The following CACNA2D1 variants were observed in gnomAD, a reference collection of about 807,000 sequenced individuals.
CACNA2D1 encodes the protein calcium voltage-gated channel auxiliary subunit alpha2delta 1.
CACNA2D1 carries 53 observed loss-of-function variants against 171.5 expected under a neutral mutation model. The observed-to-expected ratio is 0.31, with a 90% confidence interval of 0.25 to 0.39. The LOEUF (loss-of-function observed/expected upper bound fraction) is 0.39, where lower values mean the gene tolerates loss of function less well. CACNA2D1 is among the 10% of genes least tolerant of loss of function. CACNA2D1 has a pLI of 1.00. For synonymous variants in CACNA2D1, 442 were observed against 443.1 expected (o/e 1.00, Z 0.03); for missense variants, 903 against 1,299.8 (o/e 0.69, Z 4.69).
intron 2 of CACNA2D1, among the ~76,000 whole-genome samples, chr7:82,337,739 T>C (rs1330178479): frequency 6.6e-6 from 1 of 152,202 alleles, no homozygotes; most frequent in Non-Finnish European, 1.5e-5. Flanking sequence ...GCCTTCGTTT[T>C]TTCTCTACTA....
intron 3 of CACNA2D1, among the ~76,000 whole-genome samples, chr7:82,327,440 C>A (rs1294788870): frequency 6.6e-6 from 1 of 152,330 alleles, no homozygotes. Context: ...CATATTTGAA[C>A]ACAACATTAT....
chr7:82,291,484 TTA>T (rs929763613), intron 3 of CACNA2D1, among the ~76,000 whole-genome samples: 3 of 134,096 alleles, frequency 2.2e-5, no homozygotes, highest in Admixed American at 8.4e-5. Context: ...TAAAAATATA[TTA>T]TATATATTTT....
intron 35 of CACNA2D1, 112 bp downstream of exon 35, chr7:81,962,328 T>G (rs2130258058): frequency 1.2e-6 from 1 of 823,918 alleles, no homozygotes; most frequent in South Asian, 1.5e-5. Context: ...ATGAGATGGG[T>G]GACCTGTTTT....
chr7:82,272,026 A>G (rs1242087873), intron 3 of CACNA2D1, among the ~76,000 whole-genome samples: 2 of 152,180 alleles, frequency 1.3e-5, no homozygotes, highest in African/African-American at 4.8e-5. Context: ...AAAAAAAGGA[A>G]AAATAAATTT....
chr7:82,013,818 G>A lies in CACNA2D1; in HGVS notation c.1223-308C>T, dbSNP rs913101949. 1.4e-4 allele frequency among the ~76,000 whole-genome samples: 21 copies of A among 151,824 alleles called. No homozygotes were observed. The South Asian group carries it at 4.4e-3, about 32-fold the overall frequency. ...ATTGGATAAATTATTAAAGATGCAT[G>A]ATGGATAATTATTATATTTATATAA... is the stretch of plus-strand genomic sequence containing the variant. On this transcript the variant is annotated intron_variant, in intron 13 of 38. Coordinates refer to ENST00000356860, the MANE Select transcript of CACNA2D1 (RefSeq NM_000722.4).
chr7:82,152,533 G>T (rs1461732050), intron 4 of CACNA2D1, among the ~76,000 whole-genome samples: 1 of 151,828 alleles, frequency 6.6e-6, no homozygotes, highest in Non-Finnish European at 1.5e-5. Flanking sequence ...GTGTTTTTCT[G>T]TACTAAATCT....
chr7:82,259,121 G>A (rs959706080), intron 3 of CACNA2D1, among the ~76,000 whole-genome samples: 4 of 151,980 alleles, frequency 2.6e-5, no homozygotes, highest in South Asian at 2.1e-4. Context: ...GCCACCACAC[G>A]TGGACAGAAA....
At chr7:82,244,644 C>CA (rs1409625684) in intron 3 of CACNA2D1, among the ~76,000 whole-genome samples, 2 of 151,278 alleles carry the variant, frequency 1.3e-5, no homozygotes, top group African/African-American at 2.4e-5. Flanking sequence ...AAAAAGCAAG[C>CA]AAAAAAACAA....
intron 3 of CACNA2D1, among the ~76,000 whole-genome samples, chr7:82,185,091 A>G (rs942487938): frequency 6.6e-5 from 10 of 152,314 alleles, no homozygotes; most frequent in South Asian, 4.1e-4. Context: ...TGCTCTCAAC[A>G]TCACGTAAGT....
intron 6 of CACNA2D1, among the ~76,000 whole-genome samples, chr7:82,115,546 T>C (rs1012285792): frequency 6.6e-6 from 1 of 151,894 alleles, no homozygotes; most frequent in Non-Finnish European, 1.5e-5. Flanking sequence ...CACATATATA[T>C]ACACATACAA....
At chr7:82,023,400 C>A (rs1801490094) in intron 12 of CACNA2D1, among the ~76,000 whole-genome samples, 1 of 151,800 alleles carries the variant, frequency 6.6e-6, no homozygotes, top group African/African-American at 2.4e-5. Flanking sequence ...CTTTTGGCCT[C>A]ATTAAATTGT....
At chr7:81,971,464 A>C (rs528672589) in intron 26 of CACNA2D1, among the ~76,000 whole-genome samples, 2 of 151,624 alleles carry the variant, frequency 1.3e-5, no homozygotes, top group East Asian at 3.9e-4. Context: ...TGGTAATGCT[A>C]TTAGAAACCC....
chr7:82,024,700 C>T (rs903190992), intron 12 of CACNA2D1, among the ~76,000 whole-genome samples: 7 of 151,584 alleles, frequency 4.6e-5, no homozygotes, highest in Admixed American at 2.6e-4. Flanking sequence ...AGTGCTGTAT[C>T]CATGAAATCA....
intron 10 of CACNA2D1, among the ~76,000 whole-genome samples, chr7:82,057,198 T>G (rs1806013678): frequency 6.6e-6 from 1 of 152,212 alleles, no homozygotes; most frequent in Non-Finnish European, 1.5e-5. Flanking sequence ...ATTGGTAGCT[T>G]AAAATTGGTC....
chr7:82,335,025 A>C lies in CACNA2D1; in HGVS notation c.294+110T>G, dbSNP rs1297336701. 3.9e-6 allele frequency: 3 copies of C among 775,500 alleles called. No individual in the cohort carries two copies. The Admixed American group carries it at 5.4e-5, about 14-fold the overall frequency. The allele number at this position is 775,500 out of a possible 1,614,324, so 48.0% of individuals were successfully genotyped here. A position where few individuals can be genotyped will look rare whatever the true frequency, so the allele number is the denominator to read the frequency against. On this transcript the variant is annotated intron_variant, in intron 3 of 38. Transcript: ENST00000356860. Reference sequence around the variant, plus strand: ...TTTTTTATGAACATATCAGATGAACACAGTTACTAAGAAGAAGAACGCATA... The same window carrying C: ...TTTTTTATGAACATATCAGATGAACCCAGTTACTAAGAAGAAGAACGCATA...
chr7:81,955,976 ATATATT>A (rs1793258270), intron 38 of CACNA2D1, among the ~76,000 whole-genome samples: 1 of 73,602 alleles, frequency 1.4e-5, no homozygotes, highest in Non-Finnish European at 2.5e-5. Flanking sequence ...ATATATATAT[ATATATT>A]TTTTTTTTTT....
intron 6 of CACNA2D1, among the ~76,000 whole-genome samples, chr7:82,109,353 A>G (rs1184516970): frequency 6.6e-6 from 1 of 152,168 alleles, no homozygotes; most frequent in Admixed American, 6.5e-5. Context: ...TACCAAGCAT[A>G]GAAAACAATT....
chr7:82,180,598 G>T (rs577599811), intron 3 of CACNA2D1, among the ~76,000 whole-genome samples: 2 of 152,156 alleles, frequency 1.3e-5, no homozygotes, highest in South Asian at 4.1e-4. Context: ...TCTATTGAGA[G>T]TGGCCAGAAA....
rs186006775 is a variant in CACNA2D1, at chr7:81,967,274, G to C, written c.2464-67C>G. 1,458 of 1,186,266 alleles carry C rather than the reference G, an allele frequency of 1.2e-3. 17 individuals are homozygous for C. In the African/African-American group the frequency reaches 0.017, roughly 14 times the overall value. The allele number at this position is 1,186,266 out of a possible 1,614,324, so 73.5% of individuals were successfully genotyped here. The stretch of plus-strand genomic sequence containing the variant: ...TGGATTTTAATTATATTATTACCAT[G>C]TTATAATTAGAAATTCTGAAATAAT... On this transcript the variant is annotated intron_variant, in intron 30 of 38. Coordinates refer to ENST00000356860, the MANE Select transcript of CACNA2D1 (RefSeq NM_000722.4).
Sources: gnomAD v4.1 joint callset for allele counts (sites outside exome capture counted in the v4.1 genomes callset) on GRCh38, gnomAD v4.1.1 for gene constraint, MANE v1.5 for transcripts, NCBI Gene and HGNC (gene_info 2026-07-23, HGNC 2026-07-21) for gene names.